The following SFMBT1 variants were observed in gnomAD, a reference collection of about 807,000 sequenced individuals.
SFMBT1 encodes scm-like with four MBT domains protein 1.
SFMBT1 carries 32 observed loss-of-function variants against 108.7 expected under a neutral mutation model. That is an observed-to-expected ratio of 0.29 (90% confidence interval 0.22 to 0.40). SFMBT1 has a LOEUF of 0.40. Among genes scored for constraint, SFMBT1 ranks in the 10% least tolerant of loss-of-function variants. SFMBT1 has a pLI of 1.00. For missense variants in SFMBT1, 816 were observed against 1,059.6 expected (o/e 0.77, Z 3.19); for synonymous variants, 348 against 369.5 (o/e 0.94, Z 0.67).
intron 1 of SFMBT1, among the ~76,000 whole-genome samples, chr3:52,979,449 T>A (rs946510111): frequency 2.0e-4 from 30 of 152,218 alleles, no homozygotes; most frequent in African/African-American, 7.0e-4. Context: ...CACATAGCTC[T>A]ACCACCTTCA....
chr3:52,918,297 T>C (rs1702420015), intron 13 of SFMBT1, among the ~76,000 whole-genome samples, 187 bp downstream of exon 13: 1 of 152,208 alleles, frequency 6.6e-6, no homozygotes, highest in African/African-American at 2.4e-5. Context: ...TGAGAATGCA[T>C]TTTACCCTTT....
chr3:52,928,649 T>C lies in SFMBT1; in HGVS notation c.898-308A>G, dbSNP rs13062031. ...ATACATATATATACATATATATATATATATACACATATATACATATATACA... is the reference window on the plus strand; with the variant it reads ...ATACATATATATACATATATATATACATATACACATATATACATATATACA... On this transcript the variant is annotated intron_variant, in intron 8 of 20. Coordinates refer to ENST00000394752, the MANE Select transcript of SFMBT1 (RefSeq NM_016329.4). 5.4e-3 allele frequency among the ~76,000 whole-genome samples: 506 copies of C among 93,698 alleles called. 3 individuals are homozygous for C. The highest frequency in any genetic ancestry group is 0.014 in the African/African-American group (369 of 26,724). The allele number at this position is 93,698 out of a possible 152,430, so 61.5% of individuals were successfully genotyped here.
intron 2 of SFMBT1, among the ~76,000 whole-genome samples, chr3:52,956,136 C>G (rs996989709): frequency 2.6e-5 from 4 of 152,158 alleles, no homozygotes; most frequent in African/African-American, 9.7e-5. Context: ...ACAGAAAAGC[C>G]TTTGAAAAAA....
intron 8 of SFMBT1, among the ~76,000 whole-genome samples, chr3:52,929,546 T>C (rs1199087395): frequency 6.6e-6 from 1 of 152,200 alleles, no homozygotes; most frequent in South Asian, 2.1e-4. Context: ...GCCAAAGAGA[T>C]AACTTTATGA....
In SFMBT1 at chr3:52,979,856, C is replaced by CTA. The variant is rs562424390; in HGVS notation, c.-130-10600_-130-10599dup. ...AACCTGCCCTCACGAATCTCATAATCTAAAGTGTGTAGATAGCCAGCAATA... is the reference window on the plus strand; with the variant it reads ...AACCTGCCCTCACGAATCTCATAATCTATAAAGTGTGTAGATAGCCAGCAATA... On this transcript the variant is annotated intron_variant, in intron 1 of 20. Coordinates refer to ENST00000394752, the MANE Select transcript of SFMBT1 (RefSeq NM_016329.4). Among the ~76,000 whole-genome samples, 583 of 152,260 alleles carry CTA rather than the reference C, an allele frequency of 3.8e-3. 3 individuals carry two copies. Among genetic ancestry groups the CTA allele is most frequent in the African/African-American group, 0.013 (531 of 41,534 alleles).
chr3:52,904,876 C>A lies in SFMBT1; in HGVS notation c.*260G>T, dbSNP rs944047357. On this transcript the variant is annotated 3_prime_UTR_variant, in exon 21 of 21. Transcript: ENST00000394752. ...GAAATGCTTTTCTTCTTATATAAGT[C>A]TTTTCCTCACAACCTTTATTTTTTA... 3.0e-5 allele frequency: 11 copies of A among 369,264 alleles called. No individual in the cohort carries two copies. Among genetic ancestry groups the A allele is most frequent in the Non-Finnish European group, 4.8e-5 (10 of 206,856 alleles). 22.9% of individuals were successfully genotyped at this position (369,264 alleles called of 1,614,324 possible). A position where few individuals can be genotyped will look rare whatever the true frequency, so the allele number is the denominator to read the frequency against.
chr3:52,946,434 C>A (rs72961724), intron 3 of SFMBT1, among the ~76,000 whole-genome samples: 4,638 of 152,294 alleles, frequency 0.03, 276 homozygotes, highest in African/African-American at 0.11. Context: ...TGAAATTATG[C>A]GGTATGAATA....
At chr3:52,933,165 A>C (rs1702911105) in intron 5 of SFMBT1, among the ~76,000 whole-genome samples, 1 of 152,208 alleles carries the variant, frequency 6.6e-6, no homozygotes, top group African/African-American at 2.4e-5. Context: ...CATTTAGTAC[A>C]TCATAGGTAT....
At chr3:53,034,354 A>G (rs1699796344) in intron 1 of SFMBT1, among the ~76,000 whole-genome samples, 1 of 152,090 alleles carries the variant, frequency 6.6e-6, no homozygotes, top group Non-Finnish European at 1.5e-5. Context: ...AGGCGGGCAG[A>G]TCACTTGAGG....
chr3:53,038,664 T>C (rs1252073943), intron 1 of SFMBT1, among the ~76,000 whole-genome samples: 6 of 152,228 alleles, frequency 3.9e-5, no homozygotes, highest in Admixed American at 2.0e-4. Context: ...CCAACCAGGA[T>C]TGGACATCTA....
At chr3:53,004,424 T>C (rs1229286605) in intron 1 of SFMBT1, among the ~76,000 whole-genome samples, 2 of 149,568 alleles carry the variant, frequency 1.3e-5, no homozygotes, top group Non-Finnish European at 3.0e-5. Context: ...AGGCATGTGC[T>C]ACCATGCCCA....
intron 1 of SFMBT1, among the ~76,000 whole-genome samples, chr3:52,980,245 A>T (rs1358516538): frequency 1.3e-5 from 2 of 152,236 alleles, no homozygotes; most frequent in Non-Finnish European, 2.9e-5. Context: ...AATTAAGTGT[A>T]GTACATATTG....
chr3:52,981,210 T>C (rs1704699317), intron 1 of SFMBT1, among the ~76,000 whole-genome samples: 1 of 151,140 alleles, frequency 6.6e-6, no homozygotes. Flanking sequence ...GAGGATTTAA[T>C]GCCAGCAAAG....
chr3:53,036,084 G>A (rs1699861097), intron 1 of SFMBT1, among the ~76,000 whole-genome samples: 1 of 152,148 alleles, frequency 6.6e-6, no homozygotes. Flanking sequence ...AAGGAAGTGG[G>A]GTACAGAATA....
chr3:52,948,062 T>C (rs1037958984), intron 3 of SFMBT1, among the ~76,000 whole-genome samples: 14 of 152,216 alleles, frequency 9.2e-5, no homozygotes, highest in African/African-American at 3.4e-4. Context: ...AAACAAATCT[T>C]TTCCTATCTT....
chr3:53,007,848 T>C (rs945163232), intron 1 of SFMBT1, among the ~76,000 whole-genome samples: 3 of 152,076 alleles, frequency 2.0e-5, no homozygotes, highest in African/African-American at 4.8e-5. Flanking sequence ...CAATGAGACA[T>C]AACATCATTT....
intron 3 of SFMBT1, among the ~76,000 whole-genome samples, chr3:52,953,917 C>G (rs772006087): frequency 6.6e-6 from 1 of 151,988 alleles, no homozygotes; most frequent in Non-Finnish European, 1.5e-5. Context: ...ATCACGCGGT[C>G]AGGAGATCGA....
intron 1 of SFMBT1, 82 bp from the exon 2 acceptor site, chr3:52,969,340 T>G (rs894637074): frequency 1.5e-6 from 2 of 1,359,258 alleles, no homozygotes; most frequent in African/African-American, 1.5e-5. Flanking sequence ...CTCGACTGGT[T>G]GAGAGATGAC....
intron 2 of SFMBT1, among the ~76,000 whole-genome samples, chr3:52,958,460 G>T (rs929802426): frequency 1.3e-5 from 2 of 152,110 alleles, no homozygotes; most frequent in Non-Finnish European, 2.9e-5. Flanking sequence ...GCGTGGTGGC[G>T]TGTGCCTGTA....
Sources: gnomAD v4.1 joint callset for allele counts (sites outside exome capture counted in the v4.1 genomes callset) on GRCh38, gnomAD v4.1.1 for gene constraint, MANE v1.5 for transcripts, NCBI Gene and HGNC (gene_info 2026-07-23, HGNC 2026-07-21) for gene names.